The following ARHGEF10L variants were observed in gnomAD, a reference collection of about 807,000 sequenced individuals.
ARHGEF10L encodes the protein Rho guanine nucleotide exchange factor 10 like, also known as rho guanine nucleotide exchange factor 10-like protein.
Under a neutral mutation model 141.2 loss-of-function variants are expected in ARHGEF10L, and 69 were observed. The observed-to-expected ratio is 0.49, with a 90% CI of 0.40 to 0.60. The LOEUF is 0.60. ARHGEF10L is among the 20% of genes least tolerant of loss of function. The pLI is 0.00. For synonymous variants in ARHGEF10L, 711 were observed against 718.5 expected (o/e 0.99, Z 0.17); for missense variants, 1,482 against 1,734.3 (o/e 0.85, Z 2.58).
rs1557704923 is a variant in ARHGEF10L, at chr1:17,558,176, TCCATCCATCCAC to T, written c.-44+18238_-44+18249del. Among the ~76,000 whole-genome samples the T allele has an allele frequency of 6.6e-6, 1 of 151,892 alleles. No homozygotes were observed. The highest frequency in any genetic ancestry group is 2.4e-5 in the African/African-American group (1 of 41,322). ...ATCCATCCATCCATCTATGCATCCA[TCCATCCATCCAC>T]CCATCCATCCATCCATCCATCCATC... On this transcript the variant is annotated intron_variant, in intron 1 of 28. Transcript: ENST00000361221. This position sits in a 1 kb window ranked among gnomAD's most constrained non-coding sequence, Gnocchi z 4.2.
chr1:17,587,226 G>A (rs2100641657), intron 2 of ARHGEF10L, among the ~76,000 whole-genome samples: 1 of 152,256 alleles, frequency 6.6e-6, no homozygotes, highest in East Asian at 1.9e-4. Context: ...CTCGCCCTGG[G>A]AGCACACTCC....
intron 7 of ARHGEF10L, 91 bp downstream of exon 7, chr1:17,608,068 A>G: frequency 7.7e-7 from 1 of 1,296,778 alleles, no homozygotes; most frequent in Non-Finnish European, 1.0e-6. Flanking sequence ...AGTGAGGGCC[A>G]GGCCTAGGAC....
intron 4 of ARHGEF10L, among the ~76,000 whole-genome samples, chr1:17,591,701 C>T (rs900486170): frequency 5.3e-5 from 8 of 151,796 alleles, no homozygotes; most frequent in Non-Finnish European, 1.0e-4. Flanking sequence ...CGTGAGCCAC[C>T]GCGCCTGGCC....
At position 17,657,517 on chromosome 1, in the gene ARHGEF10L, G is replaced by A. The variant is rs371538919; in HGVS notation, c.2860+809G>A. On this transcript the variant is annotated intron_variant, in intron 25 of 28. Transcript: ENST00000361221. ...CAGAGGAGCCTGAAGGGCCCGCAGC[G>A]TCTCTTCTCCCCTGCCTTTTCCGCC... Among the ~76,000 whole-genome samples the A allele has an allele frequency of 7.1e-4, 108 of 152,254 alleles. No individual in the cohort carries two copies. In the South Asian group the frequency reaches 0.021, roughly 30 times the overall value.
intron 9 of ARHGEF10L, chr1:17,618,278 CAG>C: frequency 4.9e-6 from 7 of 1,438,884 alleles, no homozygotes; most frequent in Non-Finnish European, 5.5e-6. Context: ...CCCACAAGCC[CAG>C]CGCCTTCCTG....
chr1:17,650,177 A>AG (rs1232006265), intron 22 of ARHGEF10L, among the ~76,000 whole-genome samples: 1 of 152,112 alleles, frequency 6.6e-6, no homozygotes, highest in East Asian at 1.9e-4. Flanking sequence ...TGGGAGGCTG[A>AG]GGTGGGAGGG....
At chr1:17,549,253 C>T (rs1048843788) in intron 1 of ARHGEF10L, among the ~76,000 whole-genome samples, 2 of 152,002 alleles carry the variant, frequency 1.3e-5, no homozygotes, top group African/African-American at 4.8e-5. Context: ...GAACTCCTGA[C>T]CTCAAGTGAT....
chr1:17,609,360 A>G lies in ARHGEF10L; in HGVS notation c.609+1383A>G, dbSNP rs561809340. ...CTGCTGTTTCCAGGGATGGGCCTCC[A>G]GGGGTGGGCTGTGGAAAACAGCCTT... On this transcript the variant is annotated intron_variant, in intron 7 of 28. Coordinates refer to ENST00000361221, the MANE Select transcript of ARHGEF10L (RefSeq NM_018125.4). Among the ~76,000 whole-genome samples, 5 of 152,324 alleles carry G rather than the reference A, an allele frequency of 3.3e-5. No homozygotes were observed. In the South Asian group the frequency reaches 8.3e-4, roughly 25 times the overall value.
At chr1:17,661,946 G>A (rs1318857570) in intron 25 of ARHGEF10L, among the ~76,000 whole-genome samples, 2 of 151,652 alleles carry the variant, frequency 1.3e-5, no homozygotes, top group Non-Finnish European at 2.9e-5. Flanking sequence ...AGACAGAGCC[G>A]AGTTCAAAAC....
At chr1:17,520,050 G>A in the ARHGEF10L span, among the ~76,000 whole-genome samples, 556 of 152,206 alleles carry the variant, frequency 3.7e-3, 4 homozygotes, top group African/African-American at 0.012. Context: ...CCAGGCCAGC[G>A]GGCAGTGGTC....
At chr1:17,643,573 T>G (rs542224631) in intron 21 of ARHGEF10L, among the ~76,000 whole-genome samples, 2 of 152,184 alleles carry the variant, frequency 1.3e-5, no homozygotes, top group African/African-American at 4.8e-5. Flanking sequence ...CTCAGCACCA[T>G]GGGAAATGGA....
chr1:17,591,766 C>G (rs1374774123), intron 4 of ARHGEF10L, among the ~76,000 whole-genome samples: 8 of 152,114 alleles, frequency 5.3e-5, no homozygotes, highest in Admixed American at 4.6e-4. Context: ...CCAGGCTGGT[C>G]TTGAACTCTT....
chr1:17,623,870 T>A lies in ARHGEF10L; in HGVS notation c.1201-517T>A, dbSNP rs990815703. Reference sequence around the variant, plus strand: ...GCGCTCGATAGAGTCACTGAATAGGTCTGATGTTCTGGGTGTATATCAAGG... The same window carrying A: ...GCGCTCGATAGAGTCACTGAATAGGACTGATGTTCTGGGTGTATATCAAGG... On this transcript the variant is annotated intron_variant, in intron 12 of 28. Transcript: ENST00000361221. This position sits in a 1 kb window ranked among gnomAD's most constrained non-coding sequence, Gnocchi z 4.7. 3.9e-5 allele frequency among the ~76,000 whole-genome samples: 6 copies of A among 152,162 alleles called. No individual in the cohort carries two copies. Among genetic ancestry groups the A allele is most frequent in the Non-Finnish European group, 1.5e-5 (1 of 68,026 alleles).
At chr1:17,684,399 C>G (rs1249097759) in intron 26 of ARHGEF10L, among the ~76,000 whole-genome samples, 4 of 152,200 alleles carry the variant, frequency 2.6e-5, no homozygotes, top group African/African-American at 7.2e-5. Flanking sequence ...GGCATGGTCT[C>G]TCCCCTACAC....
At chr1:17,587,750 C>T (rs954276609) in intron 3 of ARHGEF10L, 105 bp downstream of exon 3, 4 of 1,291,892 alleles carry the variant, frequency 3.1e-6, no homozygotes, top group East Asian at 2.5e-5. Flanking sequence ...TCCGCTGTCC[C>T]CAGAAAGCAG....
At chr1:17,572,825 GAC>G (rs1187141854) in intron 1 of ARHGEF10L, among the ~76,000 whole-genome samples, 2 of 152,160 alleles carry the variant, frequency 1.3e-5, no homozygotes, top group African/African-American at 2.4e-5. Flanking sequence ...AGGTGAGCCT[GAC>G]CCCTGGAGGT....
intron 22 of ARHGEF10L, among the ~76,000 whole-genome samples, chr1:17,650,082 T>C (rs2061827666): frequency 6.6e-6 from 1 of 152,110 alleles, no homozygotes; most frequent in South Asian, 2.1e-4. Context: ...TTTGGATCCT[T>C]CTGGCTGGTG....
Position 17,644,994 on chromosome 1 carries a change from G to T in ARHGEF10L, c.2273-3560G>T, listed in dbSNP as rs923252595. On this transcript the variant is annotated intron_variant, in intron 21 of 28. Transcript: ENST00000361221. This position sits in a 1 kb window ranked among gnomAD's most constrained non-coding sequence, Gnocchi z 4.5. Reference sequence around the variant, plus strand: ...ACATAGTGAGTTGGAGACTGAGGTGGGATCTGCCCGGGCCCTTCTAGCAGA... The same window carrying T: ...ACATAGTGAGTTGGAGACTGAGGTGTGATCTGCCCGGGCCCTTCTAGCAGA... Among the ~76,000 whole-genome samples the T allele has an allele frequency of 6.6e-6, 1 of 152,128 alleles. No homozygotes were observed. Among genetic ancestry groups the T allele is most frequent in the African/African-American group, 2.4e-5 (1 of 41,422 alleles).
At position 17,634,987 on chromosome 1, in the gene ARHGEF10L, A is replaced by G. The variant is rs956184174; in HGVS notation, c.1898A>G (p.Lys633Arg). The G allele has an allele frequency of 1.2e-6, 2 of 1,614,100 alleles. No individual in the cohort carries two copies. Among genetic ancestry groups the G allele is most frequent in the Admixed American group, 1.7e-5 (1 of 60,018 alleles). Residue 633 changes from lysine to arginine, a missense_variant, in exon 18 of 29, where the codon AAG becomes AGG. By Grantham distance (26) the Lys-to-Arg change is conservative. Transcript: ENST00000361221. ...GTGCTCATCCAGCACTCAGGCGCCAAGAAGGCCTCTGCCTCAGGGCAGGCT... is the reference window on the plus strand; with the variant it reads ...GTGCTCATCCAGCACTCAGGCGCCAGGAAGGCCTCTGCCTCAGGGCAGGCT... ...DNVLIQHSGA[K>R]KASASGQAQN...
Sources: gnomAD v4.1 joint callset for allele counts (sites outside exome capture counted in the v4.1 genomes callset) on GRCh38, gnomAD v4.1.1 for gene constraint, Gnocchi (gnomAD v3.1) non-coding constraint, MANE v1.5 for transcripts, NCBI Gene and HGNC (gene_info 2026-07-23, HGNC 2026-07-21) for gene names.